Variants in CLEC16A observed in about 807,000 individuals in gnomAD.
CLEC16A encodes the protein C-type lectin domain containing 16A, also known as protein CLEC16A.
Under a neutral mutation model 109.5 loss-of-function variants are expected in CLEC16A, and 51 were observed. The observed-to-expected ratio is 0.47, with a 90% confidence interval of 0.37 to 0.59. CLEC16A has a LOEUF of 0.59. Ranked by LOEUF, CLEC16A falls within the 20% of genes least tolerant of loss-of-function variation. The probability of loss-of-function intolerance (pLI) is 0.00; values close to 1 mark genes in which losing one functional copy is unlikely to be tolerated. For missense variants in CLEC16A, 1,339 were observed against 1,394.0 expected, an observed-to-expected ratio of 0.96 and a Z score of 0.63; for synonymous variants, 673 against 564.2, an observed-to-expected ratio of 1.19 and a Z score of -2.73.
chr16:11,130,580 G>A lies in CLEC16A; in HGVS notation c.2641+4434G>A, dbSNP rs1011265074. On this transcript the variant is annotated intron_variant, in intron 22 of 23. Coordinates refer to ENST00000409790, the MANE Select transcript of CLEC16A (RefSeq NM_015226.3). ...CCACAGAGTAGTGACACGGGGAGCC[G>A]GGCAGTGGAGGGAGATTCGGTCATC... Among the ~76,000 whole-genome samples, 4 of 152,192 alleles carry A rather than the reference G, an allele frequency of 2.6e-5. No homozygotes were observed. The South Asian group carries it at 6.2e-4, about 24-fold the overall frequency.
intron 18 of CLEC16A, among the ~76,000 whole-genome samples, chr16:11,058,684 G>A (rs1156234893): frequency 2.6e-5 from 4 of 152,116 alleles, no homozygotes; most frequent in Non-Finnish European, 5.9e-5. Context: ...GCAGATATTG[G>A]CCTATATTGG....
chr16:10,980,776 GCATTTT>G (rs2043278085), intron 9 of CLEC16A, among the ~76,000 whole-genome samples: 1 of 152,064 alleles, frequency 6.6e-6, no homozygotes, highest in South Asian at 2.1e-4. Flanking sequence ...GTTTCCCCCT[GCATTTT>G]CATTTAGCTT....
At chr16:11,099,374 T>A (rs1223839288) in intron 19 of CLEC16A, among the ~76,000 whole-genome samples, 1 of 152,220 alleles carries the variant, frequency 6.6e-6, no homozygotes, top group Non-Finnish European at 1.5e-5. Context: ...TAAATAAAAT[T>A]AAACATTTCT....
chr16:11,026,151 T>C (rs920831492), intron 13 of CLEC16A, among the ~76,000 whole-genome samples: 5 of 152,224 alleles, frequency 3.3e-5, no homozygotes, highest in Non-Finnish European at 7.3e-5. Context: ...AATTCTCTTG[T>C]CTGGTTTTGC....
intron 18 of CLEC16A, among the ~76,000 whole-genome samples, chr16:11,057,361 G>C (rs539283720): frequency 6.6e-6 from 1 of 152,208 alleles, no homozygotes; most frequent in Admixed American, 6.5e-5. Context: ...GCACATCACC[G>C]GTGCCATCCC....
intron 22 of CLEC16A, among the ~76,000 whole-genome samples, chr16:11,161,351 T>A (rs2054715343): frequency 1.3e-5 from 2 of 152,302 alleles, no homozygotes; most frequent in South Asian, 4.1e-4. Flanking sequence ...CCCAGGCTAA[T>A]GCTGAGCTGC....
chr16:11,137,640 C>G (rs1280488501), intron 22 of CLEC16A, among the ~76,000 whole-genome samples: 2 of 144,458 alleles, frequency 1.4e-5, no homozygotes, highest in Admixed American at 6.9e-5. Flanking sequence ...GAAATCCCAT[C>G]TCTACTAAAA....
intron 19 of CLEC16A, among the ~76,000 whole-genome samples, chr16:11,114,467 C>T (rs1261753975): frequency 6.6e-6 from 1 of 152,090 alleles, no homozygotes; most frequent in Non-Finnish European, 1.5e-5. Context: ...GAGTGTCAGG[C>T]AGGGAGGCTG....
chr16:11,050,302 A>G (rs2047870892), intron 17 of CLEC16A, among the ~76,000 whole-genome samples: 1 of 152,168 alleles, frequency 6.6e-6, no homozygotes, highest in South Asian at 2.1e-4. Context: ...CACACTGGGG[A>G]TTAAGTTTCC....
intron 19 of CLEC16A, among the ~76,000 whole-genome samples, chr16:11,061,486 C>T (rs1040012273): frequency 6.6e-6 from 1 of 152,226 alleles, no homozygotes; most frequent in Non-Finnish European, 1.5e-5. Flanking sequence ...ACCACGTGCT[C>T]AGCCCATAAC....
intron 19 of CLEC16A, among the ~76,000 whole-genome samples, chr16:11,113,734 G>T (rs1290629950): frequency 6.6e-6 from 1 of 152,170 alleles, no homozygotes; most frequent in African/African-American, 2.4e-5. Flanking sequence ...ATGTTCTTGA[G>T]ACTTGGCTCT....
intron 19 of CLEC16A, among the ~76,000 whole-genome samples, chr16:11,069,735 C>A (rs2048960454): frequency 2.0e-5 from 3 of 152,110 alleles, no homozygotes; most frequent in Admixed American, 2.0e-4. Flanking sequence ...AGCCACCATA[C>A]CCAGACTGAA....
chr16:11,149,688 C>A (rs1246821083), intron 22 of CLEC16A, among the ~76,000 whole-genome samples: 1 of 152,042 alleles, frequency 6.6e-6, no homozygotes, highest in East Asian at 1.9e-4. Flanking sequence ...ACTTGGGAAG[C>A]TGAGACATGA....
intron 22 of CLEC16A, among the ~76,000 whole-genome samples, chr16:11,157,478 G>T (rs1474184943): frequency 6.6e-6 from 1 of 152,226 alleles, no homozygotes; most frequent in East Asian, 1.9e-4. Context: ...AATCATCTGA[G>T]ACTTATTAAA....
intron 15 of CLEC16A, among the ~76,000 whole-genome samples, chr16:11,043,445 T>C (rs545862057): frequency 2.8e-4 from 42 of 152,044 alleles, no homozygotes; most frequent in Non-Finnish European, 5.0e-4. Context: ...GATGGCCATA[T>C]TTTATAACCC....
intron 13 of CLEC16A, among the ~76,000 whole-genome samples, chr16:11,028,186 G>A (rs557612299): frequency 9.8e-5 from 15 of 152,304 alleles, no homozygotes; most frequent in Admixed American, 7.2e-4. Context: ...GGCAACGAGC[G>A]AAACTCTGTC....
At chr16:10,972,409 T>C in intron 5 of CLEC16A, 145 bp from the exon 6 acceptor site, 2 of 697,222 alleles carry the variant, frequency 2.9e-6, no homozygotes, top group Non-Finnish European at 5.1e-6. Context: ...TGTCTCCTTC[T>C]AACCTTATCT....
chr16:11,157,409 AT>A (rs1344113357), intron 22 of CLEC16A, among the ~76,000 whole-genome samples: 3 of 152,190 alleles, frequency 2.0e-5, no homozygotes, highest in Non-Finnish European at 4.4e-5. Flanking sequence ...AGATATCACC[AT>A]TTGGGGGCAA....
chr16:11,077,303 C>T (rs922176613), intron 19 of CLEC16A, among the ~76,000 whole-genome samples: 3 of 151,802 alleles, frequency 2.0e-5, no homozygotes, highest in African/African-American at 7.3e-5. Flanking sequence ...AACCCTGTCT[C>T]TCCTAAAAAT....
Sources: gnomAD v4.1 joint callset for allele counts (sites outside exome capture counted in the v4.1 genomes callset) on GRCh38, gnomAD v4.1.1 for gene constraint, MANE v1.5 for transcripts, NCBI Gene and HGNC (gene_info 2026-07-23, HGNC 2026-07-21) for gene names.